GALNS: variants seen among roughly 807,000 people sequenced by gnomAD.
The protein encoded by GALNS is N-acetylgalactosamine-6-sulfatase.
GALNS carries 65 observed loss-of-function variants against 65.9 expected under a neutral mutation model. The ratio of observed to expected loss-of-function variants is 0.99; its 90% confidence interval spans 0.81 to 1.21. The LOEUF is 1.21. GALNS is among the 50% of genes most tolerant of loss of function. GALNS has a pLI of 0.00. For missense variants in GALNS, 776 were observed against 700.7 expected, an observed-to-expected ratio of 1.11 and a Z score of -1.21; for synonymous variants, 346 against 288.9, an observed-to-expected ratio of 1.20 and a Z score of -2.00.
rs539408644 is a variant in GALNS, at chr16:88,816,227, G to C, written c.1483-1702C>G. ...CAGGCTGTGTGCGCCCACCTCCCCTGCCCTGTGCCCACTGTCTCCATGGCA... is the reference window on the plus strand; with the variant it reads ...CAGGCTGTGTGCGCCCACCTCCCCTCCCCTGTGCCCACTGTCTCCATGGCA... On this transcript the variant is annotated intron_variant, in intron 13 of 13. Transcript: ENST00000268695. 22 of 985,470 alleles carry C rather than the reference G, an allele frequency of 2.2e-5. No homozygotes were observed. The South Asian group carries it at 9.4e-4, about 42-fold the overall frequency. 61.0% of individuals were successfully genotyped at this position (985,470 alleles called of 1,614,324 possible).
At chr16:88,841,696 C>T (rs1250151916) in intron 3 of GALNS, among the ~76,000 whole-genome samples, 1 of 152,174 alleles carries the variant, frequency 6.6e-6, no homozygotes, top group East Asian at 1.9e-4. Context: ...GGGCACCCTC[C>T]GCTCAGTCCC....
intron 2 of GALNS, chr16:88,842,175 G>T (rs984852320): frequency 1.5e-6 from 1 of 661,638 alleles, no homozygotes; most frequent in Non-Finnish European, 2.8e-6. Flanking sequence ...AAGACGCGTG[G>T]CCCTTGGGCC....
chr16:88,832,018 C>G lies in GALNS; in HGVS notation c.982G>C (p.Gly328Arg), dbSNP rs1476829305. 1.9e-6 allele frequency: 3 copies of G among 1,613,572 alleles called. No individual in the cohort carries two copies. The highest frequency in any genetic ancestry group is 2.5e-6 in the Non-Finnish European group (3 of 1,179,886). ...MREPALAWWP[G>R]HVTAGQVSHQ... is the part of the protein sequence containing the mutation. The stretch of plus-strand genomic sequence containing the variant: ...CTCACCTGGCCTGCAGTGACGTGCC[C>G]TGGCCACCATGCGAGGGCAGGCTCC... Residue 328 changes from glycine (G) to arginine (R), a missense_variant, in exon 9 of 14, where the codon GGG becomes CGG. Gly to Arg is a moderately radical substitution (Grantham distance 125). Transcript: ENST00000268695.
At chr16:88,842,630 C>T (rs2143005402) in intron 2 of GALNS, 76 bp downstream of exon 2, 1 of 1,566,250 alleles carries the variant, frequency 6.4e-7, no homozygotes, top group Non-Finnish European at 8.7e-7. Flanking sequence ...CGCCCAGAGT[C>T]AGGGCTGGAA....
intron 13 of GALNS, chr16:88,815,444 G>A (rs535844413): frequency 5.7e-5 from 56 of 985,468 alleles, no homozygotes; most frequent in Admixed American, 1.2e-4. Context: ...GGTGCTGAGC[G>A]GAGCCCGCAC....
chr16:88,823,210 C>T (rs991614210), intron 11 of GALNS, among the ~76,000 whole-genome samples: 7 of 152,142 alleles, frequency 4.6e-5, no homozygotes, highest in African/African-American at 1.2e-4. Flanking sequence ...AGAGCCACAA[C>T]GCTCAGAATC....
chr16:88,827,835 C>A (rs1911091300), intron 9 of GALNS, among the ~76,000 whole-genome samples: 2 of 152,344 alleles, frequency 1.3e-5, no homozygotes, highest in East Asian at 3.9e-4. Context: ...GCAAGCTCAG[C>A]CCCTGGGGCA....
chr16:88,835,855 G>T lies in GALNS; in HGVS notation c.634-6C>A. 3 of 1,613,986 alleles carry T rather than the reference G, an allele frequency of 1.9e-6. No homozygotes were observed. The highest frequency in any genetic ancestry group is 2.5e-6 in the Non-Finnish European group (3 of 1,180,010). On this transcript the variant is annotated splice_region_variant and splice_polypyrimidine_tract_variant and intron_variant, in intron 6 of 13. Coordinates refer to ENST00000268695, the MANE Select transcript of GALNS (RefSeq NM_000512.5). ...TTAATGAAGTCCAGGGCTTCCTATGGAGAGAGCCACACCGTCGTCCTCCAG... is the reference window on the plus strand; with the variant it reads ...TTAATGAAGTCCAGGGCTTCCTATGTAGAGAGCCACACCGTCGTCCTCCAG...
At chr16:88,837,543 C>T in intron 5 of GALNS, 79 bp downstream of exon 5, 1 of 1,473,784 alleles carries the variant, frequency 6.8e-7, no homozygotes, top group Admixed American at 1.7e-5. Flanking sequence ...CTTGAGCCCA[C>T]CAGTGCTAGA....
chr16:88,827,244 T>G (rs907073041), intron 9 of GALNS: 2 of 242,058 alleles, frequency 8.3e-6, no homozygotes, highest in Non-Finnish European at 1.7e-5. Context: ...AAACCAGATG[T>G]GGAGGGGCAG....
chr16:88,819,380 G>A (rs1354909594), intron 12 of GALNS, among the ~76,000 whole-genome samples: 1 of 152,214 alleles, frequency 6.6e-6, no homozygotes, highest in African/African-American at 2.4e-5. Flanking sequence ...TGAGCACAGG[G>A]TCCATTTTTA....
intron 1 of GALNS, among the ~76,000 whole-genome samples, chr16:88,847,877 G>A (rs1333699422): frequency 6.6e-6 from 1 of 152,192 alleles, no homozygotes; most frequent in Non-Finnish European, 1.5e-5. Flanking sequence ...GTGTGTCCAC[G>A]TGGAAACCTG....
chr16:88,833,077 CAAAAAAAAA>C (rs869226834), intron 8 of GALNS, among the ~76,000 whole-genome samples: 1 of 74,656 alleles, frequency 1.3e-5, no homozygotes, highest in Non-Finnish European at 2.6e-5. Flanking sequence ...GACTCCTTCT[CAAAAAAAAA>C]AAAAAAAAAA....
chr16:88,826,512 G>A (rs1199563967), intron 10 of GALNS, among the ~76,000 whole-genome samples, 190 bp downstream of exon 10: 2 of 152,134 alleles, frequency 1.3e-5, no homozygotes, highest in Non-Finnish European at 2.9e-5. Flanking sequence ...CTCCCAGGAT[G>A]GCCCCTGCCC....
Position 88,856,900 on chromosome 16 carries a change from C to A in GALNS, c.-23G>T, listed in dbSNP as rs1013341014. ...CATGGCAACCACGGGAGCCGCGGAG[C>A]CCCGGCCAGCGAGCCGACCTAGCGA... On this transcript the variant is annotated 5_prime_UTR_variant, in exon 1 of 14. Coordinates refer to ENST00000268695, the MANE Select transcript of GALNS (RefSeq NM_000512.5). 4.0e-6 allele frequency: 6 copies of A among 1,499,878 alleles called. No homozygotes were observed. Among genetic ancestry groups the A allele is most frequent in the Non-Finnish European group, 5.3e-6 (6 of 1,133,020 alleles). 92.9% of individuals were successfully genotyped at this position (1,499,878 alleles called of 1,614,324 possible).
chr16:88,833,077 CA>C (rs869226834), intron 8 of GALNS, among the ~76,000 whole-genome samples: 7,148 of 74,774 alleles, frequency 0.096, 425 homozygotes, highest in African/African-American at 0.34. Context: ...GACTCCTTCT[CA>C]AAAAAAAAAA....
Position 88,815,257 on chromosome 16 carries a change from T to C in GALNS, c.1483-732A>G, listed in dbSNP as rs898159827. Reference sequence around the variant, plus strand: ...AGGTCCCGGGTATGGGGGATGCAGCTGCCAAGTGGCTGAGGGCCTCCGAGG... The same window carrying C: ...AGGTCCCGGGTATGGGGGATGCAGCCGCCAAGTGGCTGAGGGCCTCCGAGG... On this transcript the variant is annotated intron_variant, in intron 13 of 13. Coordinates refer to ENST00000268695, the MANE Select transcript of GALNS (RefSeq NM_000512.5). 1.2e-5 allele frequency: 12 copies of C among 985,354 alleles called. No individual in the cohort carries two copies. The Admixed American group carries it at 5.5e-4, about 45-fold the overall frequency. The allele number at this position is 985,354 out of a possible 1,614,324, so 61.0% of individuals were successfully genotyped here. A position where few individuals can be genotyped will look rare whatever the true frequency, so the allele number is the denominator to read the frequency against.
At chr16:88,827,096 T>A in intron 9 of GALNS, 4 of 580,126 alleles carry the variant, frequency 6.9e-6, no homozygotes, top group Non-Finnish European at 1.2e-5. Flanking sequence ...GTGGATCAGA[T>A]GAAAGGAGAA....
intron 1 of GALNS, among the ~76,000 whole-genome samples, chr16:88,845,895 G>C (rs908519427): frequency 2.0e-5 from 3 of 151,806 alleles, no homozygotes; most frequent in Non-Finnish European, 4.4e-5. Flanking sequence ...GGCTGAGGTA[G>C]GAGGATCACT....
Sources: gnomAD v4.1 joint callset for allele counts (sites outside exome capture counted in the v4.1 genomes callset) on GRCh38, gnomAD v4.1.1 for gene constraint, MANE v1.5 for transcripts, NCBI Gene and HGNC (gene_info 2026-07-23, HGNC 2026-07-21) for gene names.